AKAP12: variants seen among roughly 807,000 people sequenced by gnomAD.
AKAP12 encodes A-kinase anchoring protein 12.
Under a neutral mutation model 79.9 loss-of-function variants are expected in AKAP12, and 32 were observed. The observed-to-expected ratio is 0.40, with a 90% CI of 0.30 to 0.54. AKAP12 has a LOEUF of 0.54. AKAP12 is among the 20% of genes least tolerant of loss of function. The pLI, the probability that AKAP12 is intolerant of heterozygous loss-of-function variation, is 0.48. For synonymous variants in AKAP12, 808 were observed against 857.0 expected, an observed-to-expected ratio of 0.94 and a Z score of 1.00; for missense variants, 2,074 against 2,177.0, an observed-to-expected ratio of 0.95 and a Z score of 0.94.
chr6:151,352,608 T>C lies in AKAP12; in HGVS notation c.4217T>C (p.Val1406Ala), dbSNP rs1374269985. ...CCCTGCCTAGGTCAAGAGGAGGCAG[T>C]ATGCACCAAAATTCAAGTTCAGAGC... Reference protein sequence around the residue: ...PPPCLGQEEAVCTKIQVQSSE... With the variant: ...PPPCLGQEEAACTKIQVQSSE... The change falls in exon 4 of 5, where the codon GTA (valine) becomes GCA (alanine). Residue 1406 changes from valine to alanine, a missense_variant. Coordinates refer to ENST00000402676, the MANE Select transcript of AKAP12 (RefSeq NM_005100.4). 1.1e-5 allele frequency: 17 copies of C among 1,614,144 alleles called. No individual in the cohort carries two copies. The highest frequency in any genetic ancestry group is 1.4e-5 in the Non-Finnish European group (17 of 1,180,032).
chr6:151,295,031 T>C (rs1050297550), intron 2 of AKAP12, among the ~76,000 whole-genome samples: 1 of 152,202 alleles, frequency 6.6e-6, no homozygotes, highest in African/African-American at 2.4e-5. Flanking sequence ...CAAGCTAACC[T>C]GGAGCACAGA....
chr6:151,354,169 A>G (rs1388105693), intron 4 of AKAP12, among the ~76,000 whole-genome samples: 3 of 151,964 alleles, frequency 2.0e-5, no homozygotes, highest in African/African-American at 7.2e-5. Context: ...AAAACAAACA[A>G]AAAAAACTAG....
Position 151,240,635 on chromosome 6 carries a change from C to T in AKAP12, c.73C>T (p.Pro25Ser). Residue 25 changes from proline to serine, a missense_variant, in exon 2 of 5, where the codon CCC becomes TCC. This residue lies in a region of AKAP12 where 1,428 missense variants were observed against 1,451.0 expected (regional missense o/e 0.98). Coordinates refer to ENST00000402676, the MANE Select transcript of AKAP12 (RefSeq NM_005100.4). ...CGAGGGGAGCTCCACGCCGGCTGAG[C>T]CCGAGCCCAGCGGCGGCGGCCCCTC... ...PPEGSSTPAEPEPSGGGPSAE... is the reference protein window; with the variant it reads ...PPEGSSTPAESEPSGGGPSAE... 7.3e-7 allele frequency: 1 copy of T among 1,360,756 alleles called. No individual in the cohort carries two copies. The highest frequency in any genetic ancestry group is 3.7e-5 in the Admixed American group (1 of 27,030). The allele number at this position is 1,360,756 out of a possible 1,614,324, so 84.3% of individuals were successfully genotyped here.
Position 151,350,406 on chromosome 6 carries a change from A to G in AKAP12, c.2015A>G (p.Lys672Arg), listed in dbSNP as rs201818812. The G allele has an allele frequency of 1.7e-5, 27 of 1,614,048 alleles. No individual in the cohort carries two copies. In the East Asian group the frequency reaches 5.8e-4, roughly 35 times the overall value. ...EEPKPEEPKR[K>R]VDTSVSWEAL... ...CCAAAGCCGGAAGAACCAAAGCGCA[A>G]GGTGGATACCTCAGTATCTTGGGAA... Residue 672 changes from lysine to arginine, a missense_variant, in exon 4 of 5, where the codon AAG (lysine) becomes AGG (arginine). Around this residue, in one of 3 missense-constraint regions of AKAP12, gnomAD observed 1,428 missense variants for 1,451.0 expected, o/e 0.98. Transcript: ENST00000402676. This position sits in a 1 kb window ranked among gnomAD's most constrained non-coding sequence, Gnocchi z 4.8.
At chr6:151,328,926 C>A (rs778960085) in intron 3 of AKAP12, among the ~76,000 whole-genome samples, 1 of 152,100 alleles carries the variant, frequency 6.6e-6, no homozygotes, top group Non-Finnish European at 1.5e-5. Context: ...TTTACACAAA[C>A]CACTAAAATG....
At chr6:151,346,263 C>A (rs1017589797) in intron 3 of AKAP12, among the ~76,000 whole-genome samples, 2 of 152,134 alleles carry the variant, frequency 1.3e-5, no homozygotes, top group African/African-American at 2.4e-5. Flanking sequence ...ATTGACTTGA[C>A]TTTTCCCCTC....
rs532897363 is a variant in AKAP12 at position 151,327,707 on chromosome 6, A to G, written c.320-21004A>G. On this transcript the variant is annotated intron_variant, in intron 3 of 4. Coordinates refer to ENST00000402676, the MANE Select transcript of AKAP12 (RefSeq NM_005100.4). ...TCAGATAATCCCAATGGAGTGATAA[A>G]TGAATGGAAATAGTGGGAAGGACTA... is the stretch of plus-strand genomic sequence containing the variant. 2.4e-3 allele frequency among the ~76,000 whole-genome samples: 370 copies of G among 152,348 alleles called. 1 individual carries two copies. The highest frequency in any genetic ancestry group is 5.4e-3 in the South Asian group (26 of 4,832).
At chr6:151,354,608 G>A (rs532332651) in intron 4 of AKAP12, among the ~76,000 whole-genome samples, 9 of 152,150 alleles carry the variant, frequency 5.9e-5, no homozygotes, top group South Asian at 2.1e-4. Context: ...TCCTGACCTC[G>A]TGATCCGCCC....
chr6:151,240,506 T>C lies in AKAP12; in HGVS notation c.-57T>C. 1 of 1,369,800 alleles carries C rather than the reference T, an allele frequency of 7.3e-7. No individual in the cohort carries two copies. The highest frequency in any genetic ancestry group is 1.7e-5 in the South Asian group (1 of 60,054). 84.9% of individuals were successfully genotyped at this position (1,369,800 alleles called of 1,614,324 possible). ...GTCTTTTGGCTCTTGCCCCTGTCCC[T>C]GCGGCTTGGGGAAGGCGTAACCCGG... On this transcript the variant is annotated 5_prime_UTR_variant, in exon 2 of 5. Coordinates refer to ENST00000402676, the MANE Select transcript of AKAP12 (RefSeq NM_005100.4).
chr6:151,262,631 A>C (rs1275781005), intron 2 of AKAP12, among the ~76,000 whole-genome samples: 2 of 152,090 alleles, frequency 1.3e-5, no homozygotes, highest in Non-Finnish European at 2.9e-5. Flanking sequence ...AAGTTCAAAC[A>C]CTTCATTTGT....
chr6:151,275,052 C>T (rs748805901), intron 2 of AKAP12, among the ~76,000 whole-genome samples: 1 of 152,024 alleles, frequency 6.6e-6, no homozygotes, highest in African/African-American at 2.4e-5. Context: ...TGCAGTGAGC[C>T]GTGATCGCGC....
intron 3 of AKAP12, among the ~76,000 whole-genome samples, chr6:151,346,446 T>C (rs75561642): frequency 1.3e-5 from 2 of 152,232 alleles, no homozygotes; most frequent in Non-Finnish European, 2.9e-5. Flanking sequence ...TTCTGTGACA[T>C]TGACATTTCA....
rs1778199766 is a variant in AKAP12, at chr6:151,349,094, T to C, written c.703T>C (p.Ser235Pro). 2.5e-6 allele frequency: 4 copies of C among 1,611,206 alleles called. No homozygotes were observed. Among genetic ancestry groups the C allele is most frequent in the Middle Eastern group, 3.3e-4 (2 of 6,062 alleles). The change falls in exon 4 of 5, where the codon TCT (serine) becomes CCT (proline). Residue 235 changes from serine to proline, a missense_variant. This residue lies in a region of AKAP12 where 1,428 missense variants were observed against 1,451.0 expected (regional missense o/e 0.98). Coordinates refer to ENST00000402676, the MANE Select transcript of AKAP12 (RefSeq NM_005100.4). The part of the protein sequence containing the change: ...AASKESEPKQ[S>P]TEKPEETLKR... ...ATCCAAAGAAAGCGAACCCAAACAA[T>C]CTACAGAGAAACCCGAAGAGACCCT...
intron 3 of AKAP12, among the ~76,000 whole-genome samples, chr6:151,347,087 C>T (rs1378335280): frequency 3.3e-5 from 5 of 152,130 alleles, no homozygotes; most frequent in Non-Finnish European, 5.9e-5. Context: ...AACACCCAAT[C>T]GTCACTCTCA....
At chr6:151,260,123 A>C (rs1797394912) in intron 2 of AKAP12, among the ~76,000 whole-genome samples, 1 of 152,160 alleles carries the variant, frequency 6.6e-6, no homozygotes, top group Non-Finnish European at 1.5e-5. Flanking sequence ...TCTTACTGTC[A>C]GTTCGCTAAC....
At chr6:151,341,648 G>T in intron 3 of AKAP12, 1 of 1,081,200 alleles carries the variant, frequency 9.2e-7, no homozygotes, top group Non-Finnish European at 1.1e-6. Context: ...CCCTGCCGGC[G>T]GGCTGCGCGC....
In AKAP12 at chr6:151,351,317, G is replaced by A. The variant is rs151252845; in HGVS notation, c.2926G>A (p.Val976Met). The A allele has an allele frequency of 1.4e-5, 23 of 1,614,130 alleles. No homozygotes were observed. The highest frequency in any genetic ancestry group is 1.9e-5 in the Non-Finnish European group (22 of 1,180,060). The change falls in exon 4 of 5, where the codon GTG becomes ATG. Residue 976 changes from valine to methionine, a missense_variant. By Grantham distance (21) the Val-to-Met change is conservative (BLOSUM62 1). Coordinates refer to ENST00000402676, the MANE Select transcript of AKAP12 (RefSeq NM_005100.4). This position sits in a 1 kb window ranked among gnomAD's most constrained non-coding sequence, Gnocchi z 4.4. ...TGAGGCGGAATTGACCCCCGAAGCT[G>A]TGACAGCTGCAGAAACTGCAGGGCC... The part of the protein sequence containing the change: ...VSEAELTPEA[V>M]TAAETAGPLG...
chr6:151,321,135 C>T (rs1019223377), intron 3 of AKAP12, among the ~76,000 whole-genome samples: 5 of 152,066 alleles, frequency 3.3e-5, no homozygotes, highest in African/African-American at 4.8e-5. Context: ...TACAGGCGTG[C>T]GCCACAATGT....
intron 2 of AKAP12, among the ~76,000 whole-genome samples, chr6:151,259,523 C>CACAT (rs1479564294): frequency 6.9e-6 from 1 of 145,722 alleles, no homozygotes; most frequent in East Asian, 2.0e-4. Flanking sequence ...CACACACACA[C>CACAT]ACACACACAC....
Sources: allele counts gnomAD v4.1 joint callset (sites outside exome capture counted in the v4.1 genomes callset), GRCh38; gene constraint gnomAD v4.1.1; regional missense constraint gnomAD v4.1.1; non-coding constraint Gnocchi (gnomAD v3.1); transcripts MANE v1.5; gene names NCBI Gene and HGNC (gene_info 2026-07-23, HGNC 2026-07-21).